The following GABRB1 variants were observed in gnomAD, a reference collection of about 807,000 sequenced individuals.
The protein encoded by GABRB1 is gamma-aminobutyric acid receptor subunit beta-1.
In GABRB1, 17 loss-of-function variants were observed where a neutral mutation model predicts 51.6. The observed-to-expected ratio is 0.33, with a 90% CI of 0.23 to 0.49. The LOEUF (loss-of-function observed/expected upper bound fraction) is 0.49. Among genes scored for constraint, GABRB1 ranks in the 20% least tolerant of loss-of-function variants. The probability of loss-of-function intolerance (pLI) is 0.99; values close to 1 mark genes in which losing one functional copy is unlikely to be tolerated. For missense variants in GABRB1, 410 were observed against 600.6 expected, an observed-to-expected ratio of 0.68 and a Z score of 3.32; for synonymous variants, 247 against 218.9, an observed-to-expected ratio of 1.13 and a Z score of -1.14.
At chr4:47,376,882 C>T (rs1353791851) in intron 5 of GABRB1, among the ~76,000 whole-genome samples, 2 of 152,186 alleles carry the variant, frequency 1.3e-5, no homozygotes, top group Non-Finnish European at 2.9e-5. Flanking sequence ...ACAAACAAGA[C>T]AGATGAGCTT....
chr4:47,229,372 G>A (rs2109833734), intron 4 of GABRB1, among the ~76,000 whole-genome samples: 1 of 152,172 alleles, frequency 6.6e-6, no homozygotes, highest in East Asian at 1.9e-4. Flanking sequence ...ATATTTATTT[G>A]GCACACATGC....
chr4:47,360,785 T>C (rs1051546728), intron 5 of GABRB1, among the ~76,000 whole-genome samples: 21 of 151,994 alleles, frequency 1.4e-4, no homozygotes, highest in African/African-American at 5.1e-4. Context: ...GAGCATTGGG[T>C]CAAGAATCCA....
intron 4 of GABRB1, among the ~76,000 whole-genome samples, chr4:47,187,158 T>G (rs1319306379): frequency 2.0e-5 from 3 of 151,874 alleles, no homozygotes; most frequent in Admixed American, 1.3e-4. Flanking sequence ...AGCTTACCTA[T>G]GATCCCCTTA....
chr4:47,242,591 A>G (rs1721567789), intron 4 of GABRB1, among the ~76,000 whole-genome samples: 1 of 152,204 alleles, frequency 6.6e-6, no homozygotes, highest in South Asian at 2.1e-4. Context: ...AACTGGTATG[A>G]GATGGTATCT....
At chr4:47,358,496 C>T (rs1042423754) in intron 5 of GABRB1, among the ~76,000 whole-genome samples, 3 of 151,824 alleles carry the variant, frequency 2.0e-5, no homozygotes, top group East Asian at 1.9e-4. Context: ...ATATCAATAG[C>T]GTAGGCTACC....
chr4:47,019,534 G>A (rs116476097), intron 1 of GABRB1, among the ~76,000 whole-genome samples: 1 of 148,304 alleles, frequency 6.7e-6, no homozygotes, highest in African/African-American at 2.5e-5. Context: ...AGATAAAGGT[G>A]TCAGCAGGTT....
At chr4:47,195,597 A>T (rs1719653202) in intron 4 of GABRB1, among the ~76,000 whole-genome samples, 1 of 152,214 alleles carries the variant, frequency 6.6e-6, no homozygotes, top group South Asian at 2.1e-4. Context: ...AATGTTGGTA[A>T]GCATTAAAAT....
At chr4:47,265,418 G>A (rs761211977) in intron 4 of GABRB1, among the ~76,000 whole-genome samples, 2 of 152,098 alleles carry the variant, frequency 1.3e-5, no homozygotes, top group Non-Finnish European at 1.5e-5. Flanking sequence ...ATAAACATAT[G>A]AGCGCAGATA....
chr4:47,225,887 T>C (rs763353629), intron 4 of GABRB1, among the ~76,000 whole-genome samples: 27 of 152,252 alleles, frequency 1.8e-4, no homozygotes, highest in Middle Eastern at 3.4e-3. Context: ...ACCATGAATA[T>C]TGATCATCCA....
At chr4:47,337,523 G>T (rs1042162903) in intron 5 of GABRB1, among the ~76,000 whole-genome samples, 1 of 152,042 alleles carries the variant, frequency 6.6e-6, no homozygotes, top group East Asian at 1.9e-4. Context: ...GCATAGATCT[G>T]GCCGGACACA....
At chr4:47,231,127 T>C (rs547080180) in intron 4 of GABRB1, among the ~76,000 whole-genome samples, 11 of 152,294 alleles carry the variant, frequency 7.2e-5, no homozygotes, top group Middle Eastern at 6.8e-3. Flanking sequence ...TAAAGCCACA[T>C]TGGCACAGCT....
At chr4:47,393,007 G>C (rs541297148) in intron 5 of GABRB1, among the ~76,000 whole-genome samples, 1 of 152,318 alleles carries the variant, frequency 6.6e-6, no homozygotes, top group East Asian at 1.9e-4. Flanking sequence ...CTATAATTTA[G>C]TTTTCTGGAT....
intron 5 of GABRB1, among the ~76,000 whole-genome samples, chr4:47,392,596 C>T (rs1469513679): frequency 6.6e-6 from 1 of 152,170 alleles, no homozygotes; most frequent in Non-Finnish European, 1.5e-5. Flanking sequence ...CCCGCCTTGG[C>T]CTCCCAAAGT....
At chr4:47,152,438 A>G (rs1717500257) in intron 3 of GABRB1, among the ~76,000 whole-genome samples, 1 of 152,008 alleles carries the variant, frequency 6.6e-6, no homozygotes, top group African/African-American at 2.4e-5. Flanking sequence ...CTGCAATCAA[A>G]GTAGAAGAGA....
intron 7 of GABRB1, among the ~76,000 whole-genome samples, chr4:47,406,364 G>T (rs75644011): frequency 6.6e-6 from 1 of 152,142 alleles, no homozygotes; most frequent in Non-Finnish European, 1.5e-5. Context: ...CAAAGTGAGC[G>T]ACATTCAATA....
In GABRB1 at chr4:47,181,838, G is replaced by T. The variant is rs144395223; in HGVS notation, c.461+20369G>T. ...CTTCCCCGGGAGAATTTTCCTGCAAGCATCATGGGTTGTAATCACCTCATA... is the reference window on the plus strand; with the variant it reads ...CTTCCCCGGGAGAATTTTCCTGCAATCATCATGGGTTGTAATCACCTCATA... On this transcript the variant is annotated intron_variant, in intron 4 of 8. Transcript: ENST00000295454. Among the ~76,000 whole-genome samples, 388 of 152,088 alleles carry T rather than the reference G, an allele frequency of 2.6e-3. 3 individuals carry two copies. The highest frequency in any genetic ancestry group is 8.7e-3 in the African/African-American group (362 of 41,508).
Position 47,390,952 on chromosome 4 carries a change from C to T in GABRB1, c.545-12366C>T, listed in dbSNP as rs192797484. Among the ~76,000 whole-genome samples, 581 of 152,014 alleles carry T rather than the reference C, an allele frequency of 3.8e-3. 6 individuals carry two copies. Among genetic ancestry groups the T allele is most frequent in the African/African-American group, 0.012 (518 of 41,464 alleles). On this transcript the variant is annotated intron_variant, in intron 5 of 8. Transcript: ENST00000295454. ...CAGCACTTTGGGAGGCCGAGGGGGA[C>T]GGGTCATGAGGTCAAGAGTTAGAGA...
chr4:47,049,335 G>A (rs779182373), intron 3 of GABRB1, among the ~76,000 whole-genome samples: 4 of 152,138 alleles, frequency 2.6e-5, no homozygotes, highest in Non-Finnish European at 5.9e-5. Flanking sequence ...TAATGGGGCC[G>A]TACGTCAACA....
At chr4:47,130,756 C>A (rs935301612) in intron 3 of GABRB1, among the ~76,000 whole-genome samples, 11 of 152,100 alleles carry the variant, frequency 7.2e-5, no homozygotes, top group African/African-American at 2.7e-4. Flanking sequence ...CCTCCAAGCA[C>A]CAAAAGGATA....
Sources: allele counts gnomAD v4.1 joint callset (sites outside exome capture counted in the v4.1 genomes callset), GRCh38; gene constraint gnomAD v4.1.1; transcripts MANE v1.5; gene names NCBI Gene and HGNC (gene_info 2026-07-23, HGNC 2026-07-21).